PTPRK: variants seen among roughly 807,000 people sequenced by gnomAD.
PTPRK encodes the protein receptor-type tyrosine-protein phosphatase kappa.
In PTPRK, 75 loss-of-function variants were observed where a neutral mutation model predicts 178.0. The observed-to-expected ratio is 0.42, with a 90% CI of 0.35 to 0.51. PTPRK has a LOEUF of 0.51. Ranked by LOEUF, PTPRK falls within the 20% of genes least tolerant of loss-of-function variation. The pLI is 0.02. For synonymous variants in PTPRK, 637 were observed against 620.6 expected (o/e 1.03, Z -0.39); for missense variants, 1,441 against 1,797.8 (o/e 0.80, Z 3.59).
At chr6:128,319,470 T>G (rs1380396254) in intron 3 of PTPRK, among the ~76,000 whole-genome samples, 1 of 152,140 alleles carries the variant, frequency 6.6e-6, no homozygotes, top group African/African-American at 2.4e-5. Context: ...TCACAGTATG[T>G]GTCTAATAGT....
At chr6:128,471,633 A>G (rs1285528121) in intron 1 of PTPRK, among the ~76,000 whole-genome samples, 4 of 150,530 alleles carry the variant, frequency 2.7e-5, no homozygotes, top group African/African-American at 9.8e-5. Flanking sequence ...AAAACTCACA[A>G]CAAAAGCAGG....
intron 7 of PTPRK, among the ~76,000 whole-genome samples, chr6:128,114,311 T>C (rs973836401): frequency 6.6e-6 from 1 of 151,788 alleles, no homozygotes; most frequent in African/African-American, 2.4e-5. Context: ...AGCGGGGAAG[T>C]GCCACACTTT....
intron 16 of PTPRK, 44 bp downstream of exon 16, chr6:127,998,676 C>T (rs555814882): frequency 6.8e-7 from 1 of 1,473,610 alleles, no homozygotes; most frequent in African/African-American, 1.4e-5. Context: ...CACTGAGTAT[C>T]ATAGTTAAAA....
chr6:127,997,290 C>A (rs554025835), intron 16 of PTPRK, among the ~76,000 whole-genome samples: 4 of 152,184 alleles, frequency 2.6e-5, no homozygotes, highest in African/African-American at 9.6e-5. Flanking sequence ...AAGTATCATT[C>A]TTTTCAAAAC....
rs538872761 is a variant in PTPRK, at chr6:128,431,146, C to T, written c.101-33458G>A. Among the ~76,000 whole-genome samples, 12 of 152,054 alleles carry T rather than the reference C, an allele frequency of 7.9e-5. No homozygotes were observed. In the East Asian group the frequency reaches 2.3e-3, roughly 29 times the overall value. On this transcript the variant is annotated intron_variant, in intron 1 of 29. Transcript: ENST00000368226. The stretch of plus-strand genomic sequence containing the variant: ...TAGAGACGGGTTTCACCATGTTGGC[C>T]AGTCTGGTCTCTAACTCCAGACCTC...
chr6:128,028,852 G>A (rs1006818937), intron 13 of PTPRK, among the ~76,000 whole-genome samples: 1 of 152,156 alleles, frequency 6.6e-6, no homozygotes, highest in African/African-American at 2.4e-5. Context: ...CTGATTTAAG[G>A]TTAGGATGTT....
chr6:127,990,375 C>T lies in PTPRK; in HGVS notation c.3096+394G>A, dbSNP rs182069406. On this transcript the variant is annotated intron_variant, in intron 21 of 29. Transcript: ENST00000368226. ...CTCCCTCACTTATTTCAGGTCTCTA[C>T]TCATATTACTTTCTCAACAATGAGT... Among the ~76,000 whole-genome samples the T allele has an allele frequency of 1.4e-4, 21 of 152,152 alleles. No homozygotes were observed. The East Asian group carries it at 4.1e-3, about 29-fold the overall frequency.
At chr6:128,311,401 C>G (rs1827225834) in intron 3 of PTPRK, among the ~76,000 whole-genome samples, 1 of 152,100 alleles carries the variant, frequency 6.6e-6, no homozygotes, top group African/African-American at 2.4e-5. Flanking sequence ...TCTGAGTGGT[C>G]CAAGCACCGA....
intron 7 of PTPRK, among the ~76,000 whole-genome samples, chr6:128,143,787 C>T (rs1796104776): frequency 6.6e-6 from 1 of 152,048 alleles, no homozygotes; most frequent in African/African-American, 2.4e-5. Context: ...TATTTTTTCC[C>T]CTCTTAATAT....
intron 18 of PTPRK, among the ~76,000 whole-genome samples, chr6:127,994,499 GTTA>G (rs1376794680): frequency 1.3e-5 from 2 of 151,766 alleles, no homozygotes; most frequent in African/African-American, 4.8e-5. Flanking sequence ...GGTTAGTACT[GTTA>G]TTATTATCCC....
At chr6:128,155,146 A>T (rs1320513997) in intron 7 of PTPRK, among the ~76,000 whole-genome samples, 1 of 151,770 alleles carries the variant, frequency 6.6e-6, no homozygotes, top group Admixed American at 6.6e-5. Flanking sequence ...TATTATTCAC[A>T]CATCTCTCAG....
At chr6:128,217,631 TTTGA>T (rs1320292081) in intron 6 of PTPRK, among the ~76,000 whole-genome samples, 1 of 152,198 alleles carries the variant, frequency 6.6e-6, no homozygotes, top group Non-Finnish European at 1.5e-5. Flanking sequence ...GTAAAAGATA[TTTGA>T]TGCCAAGCAT....
At chr6:128,140,057 C>G (rs368690267) in intron 7 of PTPRK, among the ~76,000 whole-genome samples, 2 of 152,030 alleles carry the variant, frequency 1.3e-5, no homozygotes, top group Admixed American at 1.3e-4. Flanking sequence ...GTATAAAATG[C>G]TATTGCACCC....
chr6:128,138,005 A>G (rs541180594), intron 7 of PTPRK, among the ~76,000 whole-genome samples: 3 of 152,280 alleles, frequency 2.0e-5, no homozygotes, highest in African/African-American at 7.2e-5. Context: ...AGAAAGACAC[A>G]GATATTTGAC....
chr6:127,970,061 A>T lies in PTPRK; in HGVS notation c.*166T>A. ...AATAAAAACTAATTCAGTCCTTTTT[A>T]TTAAGATACACAACTTCATAAAAAA... On this transcript the variant is annotated 3_prime_UTR_variant, in exon 30 of 30. Transcript: ENST00000368226. 2.0e-6 allele frequency: 1 copy of T among 502,690 alleles called. No individual in the cohort carries two copies. 31.1% of individuals were successfully genotyped at this position (502,690 alleles called of 1,614,324 possible). A position where few individuals can be genotyped will look rare whatever the true frequency, so the allele number is the denominator to read the frequency against.
intron 7 of PTPRK, among the ~76,000 whole-genome samples, chr6:128,131,833 G>C (rs1794289332): frequency 6.6e-6 from 1 of 152,170 alleles, no homozygotes; most frequent in Admixed American, 6.5e-5. Context: ...CTGTGATAAT[G>C]TCTTGTAACA....
chr6:128,470,605 G>C (rs1024613275), intron 1 of PTPRK, among the ~76,000 whole-genome samples: 8 of 151,954 alleles, frequency 5.3e-5, no homozygotes, highest in African/African-American at 1.9e-4. Context: ...GTTAATACTT[G>C]CCTGCAGCTT....
chr6:128,049,234 G>A (rs567848539), intron 13 of PTPRK, among the ~76,000 whole-genome samples: 16 of 152,194 alleles, frequency 1.1e-4, no homozygotes, highest in African/African-American at 3.4e-4. Context: ...AAAACTAAAT[G>A]CTAAGTAACA....
At position 128,229,454 on chromosome 6, in the gene PTPRK, T is replaced by C. The variant is rs548370109; in HGVS notation, c.694-10358A>G. Among the ~76,000 whole-genome samples, 49 of 152,324 alleles carry C rather than the reference T, an allele frequency of 3.2e-4. 1 individual carries two copies. In the South Asian group the frequency reaches 4.1e-3, roughly 13 times the overall value. On this transcript the variant is annotated intron_variant, in intron 5 of 29. Coordinates refer to ENST00000368226, the MANE Select transcript of PTPRK (RefSeq NM_002844.4). ...TCATTAAATATATGTGTATGTATTT[T>C]TTAGCTCTATTCACTGAAACGATCT...
Sources: gnomAD v4.1 joint callset for allele counts (sites outside exome capture counted in the v4.1 genomes callset) on GRCh38, gnomAD v4.1.1 for gene constraint, MANE v1.5 for transcripts, NCBI Gene and HGNC (gene_info 2026-07-23, HGNC 2026-07-21) for gene names.